ASCC3: variants seen among roughly 807,000 people sequenced by gnomAD.
ASCC3 encodes the protein activating signal cointegrator 1 complex subunit 3.
Under a neutral mutation model 256.3 loss-of-function variants are expected in ASCC3, and 158 were observed. That is an observed-to-expected ratio of 0.62 (90% CI 0.54 to 0.70). ASCC3 has a LOEUF of 0.70. Ranked by LOEUF, ASCC3 falls within the 30% of genes least tolerant of loss-of-function variation. The pLI is 0.00. For synonymous variants in ASCC3, 948 were observed against 883.4 expected (o/e 1.07, Z -1.30); for missense variants, 2,259 against 2,626.0 (o/e 0.86, Z 3.05).
intron 8 of ASCC3, among the ~76,000 whole-genome samples, chr6:100,771,533 C>T (rs575635041): frequency 7.1e-3 from 124 of 17,378 alleles, no homozygotes; most frequent in South Asian, 0.04. Context: ...AGTGCTTATA[C>T]GTAGAATAAA....
At chr6:100,864,848 TC>T (rs1185167576) in intron 2 of ASCC3, among the ~76,000 whole-genome samples, 1 of 152,176 alleles carries the variant, frequency 6.6e-6, no homozygotes, top group African/African-American at 2.4e-5. Flanking sequence ...TTTGGGTTCT[TC>T]TGAGGCTTTT....
intron 36 of ASCC3, among the ~76,000 whole-genome samples, chr6:100,581,032 C>T (rs1051775987): frequency 5.9e-5 from 9 of 152,042 alleles, no homozygotes; most frequent in African/African-American, 2.2e-4. Context: ...AATAGTGCCG[C>T]AATAAACATA....
At chr6:100,772,154 T>C (rs1207837924) in intron 8 of ASCC3, among the ~76,000 whole-genome samples, 1 of 152,148 alleles carries the variant, frequency 6.6e-6, no homozygotes, top group African/African-American at 2.4e-5. Flanking sequence ...GTGCTGGGAT[T>C]ACAGGCATGA....
chr6:100,812,951 T>C (rs62422070), intron 4 of ASCC3, among the ~76,000 whole-genome samples: 9 of 150,524 alleles, frequency 6.0e-5, no homozygotes, highest in African/African-American at 2.2e-4. Flanking sequence ...GATGGATGGA[T>C]GGATGGACAG....
At chr6:100,651,534 T>C in intron 19 of ASCC3, 26 bp downstream of exon 19, 1 of 1,447,470 alleles carries the variant, frequency 6.9e-7, no homozygotes, top group Non-Finnish European at 9.6e-7. Flanking sequence ...TTGTATGCAT[T>C]TGATTCAAAT....
intron 10 of ASCC3, among the ~76,000 whole-genome samples, chr6:100,740,887 G>A (rs940998871): frequency 3.3e-5 from 5 of 152,122 alleles, no homozygotes; most frequent in African/African-American, 1.2e-4. Flanking sequence ...GGGGCTTTTA[G>A]CCCATTTACA....
chr6:100,632,182 T>TAAAAAAA (rs35229827), intron 25 of ASCC3, among the ~76,000 whole-genome samples: 33 of 101,996 alleles, frequency 3.2e-4, no homozygotes, highest in Non-Finnish European at 4.2e-4. Context: ...GCAAACTATC[T>TAAAAAAA]AAAAAAAAAA....
At chr6:100,662,214 T>G in intron 15 of ASCC3, 131 bp downstream of exon 15, 4 of 1,152,174 alleles carry the variant, frequency 3.5e-6, no homozygotes, top group Non-Finnish European at 4.9e-6. Flanking sequence ...AGAAAATAAT[T>G]CTGACCTTTT....
intron 36 of ASCC3, among the ~76,000 whole-genome samples, chr6:100,583,384 G>A (rs192316940): frequency 6.6e-6 from 1 of 151,998 alleles, no homozygotes; most frequent in East Asian, 1.9e-4. Context: ...AGAGGTGTTT[G>A]TAGTATTCTC....
At chr6:100,651,260 A>G (rs1775655268) in intron 19 of ASCC3, among the ~76,000 whole-genome samples, 2 of 151,864 alleles carry the variant, frequency 1.3e-5, no homozygotes, top group Non-Finnish European at 3.0e-5. Context: ...GTACTTTTAC[A>G]TTTTCTTCAA....
At position 100,661,927 on chromosome 6, in the gene ASCC3, A is replaced by T; in HGVS notation, c.2582T>A (p.Phe861Tyr). 1.2e-6 allele frequency: 2 copies of T among 1,613,322 alleles called. No individual in the cohort carries two copies. The highest frequency in any genetic ancestry group is 1.1e-5 in the South Asian group (1 of 91,066). Residue 861 changes from phenylalanine to tyrosine, a missense_variant, in exon 16 of 42, where the codon TTT (phenylalanine) becomes TAT (tyrosine). By Grantham distance (22) the Phe-to-Tyr change is conservative (BLOSUM62 3). Coordinates refer to ENST00000369162, the MANE Select transcript of ASCC3 (RefSeq NM_006828.4). The part of the protein sequence containing the change: ...GRAGRPQFDK[F>Y]GEGIIITTHD... ...CGTTGTTATAATTATTCCTTCCCCA[A>T]ATTTGTCAAATTGTGGTCGTCCAGC... is the stretch of plus-strand genomic sequence containing the variant.
chr6:100,518,057 C>T lies in ASCC3; in HGVS notation c.5861G>A (p.Arg1954Gln), dbSNP rs769420460. The change falls in exon 38 of 42, where the codon CGG becomes CAG. Residue 1954 changes from arginine to glutamine, a missense_variant. By Grantham distance (43) the Arg-to-Gln change is conservative. Around this residue, in one of 2 missense-constraint regions of ASCC3, gnomAD observed 1,839 missense variants for 2,206.7 expected, o/e 0.83. Coordinates refer to ENST00000369162, the MANE Select transcript of ASCC3 (RefSeq NM_006828.4). Reference protein sequence around the residue: ...TNLIQMVIQGRWLKDSSLLTL... With the variant: ...TNLIQMVIQGQWLKDSSLLTL... Reference sequence around the variant, plus strand: ...AAGAAGAGAAGAGTCCTTTAACCACCGACCCTGGATCACCATCTGAATCAG... The same window carrying T: ...AAGAAGAGAAGAGTCCTTTAACCACTGACCCTGGATCACCATCTGAATCAG... 6.8e-6 allele frequency: 11 copies of T among 1,613,500 alleles called. No individual in the cohort carries two copies. Among genetic ancestry groups the T allele is most frequent in the African/African-American group, 4.0e-5 (3 of 74,862 alleles).
chr6:100,695,706 CT>C (rs11438055), intron 13 of ASCC3, among the ~76,000 whole-genome samples: 1 of 152,114 alleles, frequency 6.6e-6, no homozygotes, highest in Non-Finnish European at 1.5e-5. Flanking sequence ...AATTGGTCTA[CT>C]TTTTTTCTCT....
At chr6:100,583,851 G>A (rs1159791357) in intron 36 of ASCC3, among the ~76,000 whole-genome samples, 11 of 152,110 alleles carry the variant, frequency 7.2e-5, no homozygotes, top group African/African-American at 1.7e-4. Flanking sequence ...TGTACCCAGT[G>A]GTCATTCAGG....
rs1774168380 is a variant in ASCC3, at chr6:100,625,273, A to G, written c.4704T>C (p.Thr1568=). 2 of 1,612,948 alleles carry G rather than the reference A, an allele frequency of 1.2e-6. No individual in the cohort carries two copies. Among genetic ancestry groups the G allele is most frequent in the Non-Finnish European group, 1.7e-6 (2 of 1,179,206 alleles). ...VLIFVSSRRQ[T]RLTALELIAF... The stretch of plus-strand genomic sequence containing the variant: ...CGATCAATTCCAAAGCAGTAAGACG[A>G]GTTTGACGTCTTGATGAGACAAATA... The change falls in exon 30 of 42, where the codon ACT becomes ACC. Residue 1568 remains threonine (T), a synonymous_variant. Coordinates refer to ENST00000369162, the MANE Select transcript of ASCC3 (RefSeq NM_006828.4).
chr6:100,540,531 T>C, intron 36 of ASCC3, 144 bp from the exon 37 acceptor site: 1 of 686,024 alleles, frequency 1.5e-6, no homozygotes, highest in East Asian at 2.7e-5. Context: ...AATATTATCA[T>C]TAATACACAA....
chr6:100,826,476 T>C (rs1208656172), intron 4 of ASCC3, among the ~76,000 whole-genome samples: 1 of 152,176 alleles, frequency 6.6e-6, no homozygotes. Flanking sequence ...TGGATCCTTA[T>C]ACAGTTCACT....
At chr6:100,780,120 T>C (rs1341508712) in intron 8 of ASCC3, among the ~76,000 whole-genome samples, 1 of 152,166 alleles carries the variant, frequency 6.6e-6, no homozygotes, top group East Asian at 1.9e-4. Flanking sequence ...TGAAATTAAT[T>C]CTATAATGAA....
Position 100,688,002 on chromosome 6 carries a change from G to GA in ASCC3, c.2152-8251dup, listed in dbSNP as rs200232752. On this transcript the variant is annotated intron_variant, in intron 13 of 41. Transcript: ENST00000369162. Reference sequence around the variant, plus strand: ...AGGAAATCATTCATTTCAAGGCTCAGAAAAAAAAAAACCTGATACTACTAA... The same window carrying GA: ...AGGAAATCATTCATTTCAAGGCTCAGAAAAAAAAAAAACCTGATACTACTAA... Among the ~76,000 whole-genome samples the GA allele has an allele frequency of 2.2e-3, 308 of 140,802 alleles. 2 individuals carry two copies. The highest frequency in any genetic ancestry group is 4.2e-3 in the African/African-American group (163 of 38,702). The allele number at this position is 140,802 out of a possible 152,430, so 92.4% of individuals were successfully genotyped here. A position where few individuals can be genotyped will look rare whatever the true frequency, so the allele number is the denominator to read the frequency against.
Sources: allele counts gnomAD v4.1 joint callset (sites outside exome capture counted in the v4.1 genomes callset), GRCh38; gene constraint gnomAD v4.1.1; regional missense constraint gnomAD v4.1.1; transcripts MANE v1.5; gene names NCBI Gene and HGNC (gene_info 2026-07-23, HGNC 2026-07-21).